The following BTBD9 variants were observed in gnomAD, a reference collection of about 807,000 sequenced individuals.
BTBD9 encodes BTB/POZ domain-containing protein 9.
BTBD9 carries 49 observed loss-of-function variants against 64.3 expected under a neutral mutation model. That is an observed-to-expected ratio of 0.76 (90% CI 0.61 to 0.97). The LOEUF (loss-of-function observed/expected upper bound fraction) is 0.97, where lower values mean the gene tolerates loss of function less well. BTBD9 is among the 50% of genes least tolerant of loss of function. BTBD9 has a pLI of 0.00. For missense variants in BTBD9, 598 were observed against 762.1 expected, an observed-to-expected ratio of 0.78 and a Z score of 2.53; for synonymous variants, 260 against 274.7, an observed-to-expected ratio of 0.95 and a Z score of 0.53.
chr6:38,488,726 T>C (rs1178248961), intron 6 of BTBD9, among the ~76,000 whole-genome samples: 3 of 152,168 alleles, frequency 2.0e-5, no homozygotes, highest in Non-Finnish European at 4.4e-5. Context: ...AATTAATGTT[T>C]CTTTTTTTAT....
At chr6:38,251,129 G>A (rs1481800747) in intron 9 of BTBD9, among the ~76,000 whole-genome samples, 1 of 151,238 alleles carries the variant, frequency 6.6e-6, no homozygotes, top group Non-Finnish European at 1.5e-5. Flanking sequence ...TAAGTATATT[G>A]TTTAATTTTA....
At chr6:38,420,579 CG>C (rs1282002938) in intron 6 of BTBD9, among the ~76,000 whole-genome samples, 1 of 152,104 alleles carries the variant, frequency 6.6e-6, no homozygotes, top group African/African-American at 2.4e-5. Flanking sequence ...CATCCTAGGC[CG>C]GGCACAGTGG....
chr6:38,315,480 T>A lies in BTBD9; in HGVS notation c.1265-27019A>T, dbSNP rs183181382. 1.2e-3 allele frequency among the ~76,000 whole-genome samples: 184 copies of A among 152,244 alleles called. 2 individuals are homozygous for A. Among genetic ancestry groups the A allele is most frequent in the East Asian group, 0.011 (59 of 5,186 alleles). ...TATCCCACAGTTTTGGTTTTTTTTTTAAATCCCACAGGTTTTGGTATGTTG... is the reference window on the plus strand; with the variant it reads ...TATCCCACAGTTTTGGTTTTTTTTTAAAATCCCACAGGTTTTGGTATGTTG... On this transcript the variant is annotated intron_variant, in intron 7 of 10. Coordinates refer to ENST00000481247, the MANE Select transcript of BTBD9 (RefSeq NM_001099272.2).
intron 6 of BTBD9, among the ~76,000 whole-genome samples, chr6:38,482,939 G>A (rs1771227128): frequency 1.3e-5 from 2 of 151,942 alleles, no homozygotes; most frequent in Non-Finnish European, 2.9e-5. Flanking sequence ...GGAAAAGAAG[G>A]AACCTCAATT....
At chr6:38,290,772 G>A (rs941817347) in intron 7 of BTBD9, among the ~76,000 whole-genome samples, 1 of 152,106 alleles carries the variant, frequency 6.6e-6, no homozygotes, top group Non-Finnish European at 1.5e-5. Flanking sequence ...ACTTCAGAGG[G>A]GACTAGAAAG....
At chr6:38,297,883 C>G (rs1762219124) in intron 7 of BTBD9, among the ~76,000 whole-genome samples, 1 of 150,886 alleles carries the variant, frequency 6.6e-6, no homozygotes, top group Non-Finnish European at 1.5e-5. Context: ...CTCTGTCGCC[C>G]AGGCTGCAGT....
At chr6:38,254,475 C>CAAAAAAAA (rs566844594) in intron 9 of BTBD9, among the ~76,000 whole-genome samples, 5 of 149,656 alleles carry the variant, frequency 3.3e-5, no homozygotes, top group African/African-American at 9.9e-5. Flanking sequence ...AACAAACAAA[C>CAAAAAAAA]AAAAAAAAAC....
chr6:38,175,763 C>T lies in BTBD9; in HGVS notation c.1642-581G>A, dbSNP rs146102516. On this transcript the variant is annotated intron_variant, in intron 10 of 10. Transcript: ENST00000481247. The stretch of plus-strand genomic sequence containing the variant: ...TGTGAATGTGTGTGAGCGTGCCCTG[C>T]AATGGCATGGTGTCCTGTCCTGAGC... Among the ~76,000 whole-genome samples the T allele has an allele frequency of 5.2e-3, 792 of 152,296 alleles. 10 individuals are homozygous for T. The highest frequency in any genetic ancestry group is 0.018 in the African/African-American group (731 of 41,550).
At chr6:38,259,825 C>A (rs556742392) in intron 8 of BTBD9, among the ~76,000 whole-genome samples, 1 of 152,262 alleles carries the variant, frequency 6.6e-6, no homozygotes, top group South Asian at 2.1e-4. Flanking sequence ...GTAGATGATA[C>A]CTACTGATTC....
At chr6:38,455,777 C>T (rs1284601777) in intron 6 of BTBD9, among the ~76,000 whole-genome samples, 2 of 151,798 alleles carry the variant, frequency 1.3e-5, no homozygotes, top group South Asian at 2.1e-4. Context: ...GGCGCGATCT[C>T]GGCTCACCGC....
At chr6:38,567,497 C>G (rs1398996287) in intron 6 of BTBD9, among the ~76,000 whole-genome samples, 1 of 152,224 alleles carries the variant, frequency 6.6e-6, no homozygotes, top group Non-Finnish European at 1.5e-5. Flanking sequence ...AATCCACAAT[C>G]CACTCCCCCC....
intron 6 of BTBD9, among the ~76,000 whole-genome samples, chr6:38,385,034 A>G (rs2127617811): frequency 6.6e-6 from 1 of 151,804 alleles, no homozygotes; most frequent in South Asian, 2.1e-4. Flanking sequence ...ATTCAGGATC[A>G]GTGACCATGT....
chr6:38,343,888 C>T (rs1421946977), intron 7 of BTBD9, among the ~76,000 whole-genome samples: 3 of 152,122 alleles, frequency 2.0e-5, no homozygotes, highest in Non-Finnish European at 4.4e-5. Context: ...AAAATTTAGG[C>T]TACGACCATT....
intron 6 of BTBD9, among the ~76,000 whole-genome samples, chr6:38,500,975 T>C (rs543557436): frequency 1.3e-5 from 2 of 152,316 alleles, no homozygotes; most frequent in East Asian, 1.9e-4. Context: ...GTATACAATA[T>C]AGAGTATTCA....
chr6:38,527,508 A>G (rs1395949062), intron 6 of BTBD9, among the ~76,000 whole-genome samples: 1 of 152,018 alleles, frequency 6.6e-6, no homozygotes, highest in East Asian at 1.9e-4. Flanking sequence ...ATCATTTTAT[A>G]AGGCAGTTTT....
chr6:38,329,688 C>T (rs574829137), intron 7 of BTBD9, among the ~76,000 whole-genome samples: 4 of 152,200 alleles, frequency 2.6e-5, no homozygotes, highest in African/African-American at 9.6e-5. Context: ...GGCACAGTGG[C>T]TCACGCATGT....
At chr6:38,343,128 A>G (rs1049579996) in intron 7 of BTBD9, among the ~76,000 whole-genome samples, 1 of 152,230 alleles carries the variant, frequency 6.6e-6, no homozygotes, top group African/African-American at 2.4e-5. Context: ...GCACCATGGA[A>G]GAGTGCTTGA....
intron 9 of BTBD9, among the ~76,000 whole-genome samples, chr6:38,249,235 A>T (rs565891815): frequency 5.5e-4 from 84 of 152,240 alleles, no homozygotes; most frequent in Admixed American, 1.2e-3. Context: ...GTTCTCTGCA[A>T]TCGCCATGAG....
rs534473513 is a variant in BTBD9 at position 38,514,146 on chromosome 6, G to T, written c.1154+63454C>A. Among the ~76,000 whole-genome samples, 251 of 152,288 alleles carry T rather than the reference G, an allele frequency of 1.6e-3. 3 individuals carry two copies. Among genetic ancestry groups the T allele is most frequent in the African/African-American group, 5.9e-3 (244 of 41,550 alleles). On this transcript the variant is annotated intron_variant, in intron 6 of 10. Coordinates refer to ENST00000481247, the MANE Select transcript of BTBD9 (RefSeq NM_001099272.2). ...AGTAAGAATGCCAATTAAAATGGCT[G>T]GTATAAGGATGTGATCCAGAGATCT...
Sources: allele counts gnomAD v4.1 joint callset (sites outside exome capture counted in the v4.1 genomes callset), GRCh38; gene constraint gnomAD v4.1.1; transcripts MANE v1.5; gene names NCBI Gene and HGNC (gene_info 2026-07-23, HGNC 2026-07-21).